STK38L: variants seen among roughly 807,000 people sequenced by gnomAD.
STK38L encodes serine/threonine-protein kinase 38-like.
Under a neutral mutation model 59.7 loss-of-function variants are expected in STK38L, and 28 were observed. The observed-to-expected ratio is 0.47, with a 90% CI of 0.35 to 0.64. The LOEUF (loss-of-function observed/expected upper bound fraction) is 0.64. STK38L is among the 30% of genes least tolerant of loss of function. STK38L has a pLI of 0.01. For synonymous variants in STK38L, 162 were observed against 176.8 expected (o/e 0.92, Z 0.66); for missense variants, 314 against 555.8 (o/e 0.56, Z 4.37).
intron 3 of STK38L, among the ~76,000 whole-genome samples, chr12:27,304,694 C>T (rs1265193008): frequency 6.6e-6 from 1 of 151,926 alleles, no homozygotes; most frequent in African/African-American, 2.4e-5. Flanking sequence ...ATATATTATA[C>T]ATCATTATAT....
intron 1 of STK38L, among the ~76,000 whole-genome samples, chr12:27,274,583 T>G (rs563803153): frequency 3.3e-5 from 5 of 152,242 alleles, no homozygotes; most frequent in African/African-American, 1.2e-4. Flanking sequence ...TTCATGTGTT[T>G]AATAATATAT....
chr12:27,320,820 C>T lies in STK38L; in HGVS notation c.1176-1323C>T, dbSNP rs547302222. On this transcript the variant is annotated intron_variant, in intron 12 of 13. Transcript: ENST00000389032. ...TTTTTGAGATGGAGTCTCACTCTGTCGCCCAGGCTGGAGTGCAGTGGCGTG... is the reference window on the plus strand; with the variant it reads ...TTTTTGAGATGGAGTCTCACTCTGTTGCCCAGGCTGGAGTGCAGTGGCGTG... Among the ~76,000 whole-genome samples, 24 of 142,990 alleles carry T rather than the reference C, an allele frequency of 1.7e-4. 1 individual carries two copies. Among genetic ancestry groups the T allele is most frequent in the African/African-American group, 5.2e-4 (20 of 38,572 alleles). The allele number at this position is 142,990 out of a possible 152,430, so 93.8% of individuals were successfully genotyped here. A position where few individuals can be genotyped will look rare whatever the true frequency, so the allele number is the denominator to read the frequency against.
rs1944626544 is a variant in STK38L at position 27,317,930 on chromosome 12, A to C, written c.990A>C (p.Glu330Asp). The C allele has an allele frequency of 6.2e-7, 1 of 1,613,878 alleles. No homozygotes were observed. The highest frequency in any genetic ancestry group is 1.3e-5 in the African/African-American group (1 of 74,908). Residue 330 changes from glutamate to aspartate, a missense_variant, in exon 11 of 14, where the codon GAA becomes GAC. This residue lies in a region of STK38L where 28 missense variants were observed against 96.7 expected (regional missense o/e 0.29). Coordinates refer to ENST00000389032, the MANE Select transcript of STK38L (RefSeq NM_015000.4). ...CTTTCTGCTCTGAAACACCTCAAGAAACGTACAGAAAAGTGATGAACTGGA... is the reference window on the plus strand; with the variant it reads ...CTTTCTGCTCTGAAACACCTCAAGACACGTACAGAAAAGTGATGAACTGGA... ...YPPFCSETPQ[E>D]TYRKVMNWKE...
chr12:27,272,963 A>G (rs889586130), intron 1 of STK38L, among the ~76,000 whole-genome samples: 2 of 152,180 alleles, frequency 1.3e-5, no homozygotes, highest in African/African-American at 4.8e-5. Context: ...AAAAACAAAA[A>G]TGGACTCAGA....
chr12:27,293,408 T>G (rs2136635533), intron 1 of STK38L, among the ~76,000 whole-genome samples: 1 of 152,376 alleles, frequency 6.6e-6, no homozygotes, highest in East Asian at 1.9e-4. Flanking sequence ...AACATTTAAA[T>G]TGAATAACAG....
chr12:27,298,735 CA>C (rs1307967214), intron 2 of STK38L, among the ~76,000 whole-genome samples: 1 of 152,092 alleles, frequency 6.6e-6, no homozygotes, highest in Non-Finnish European at 1.5e-5. Context: ...AGGAAGGAGA[CA>C]GAGGCAAAAG....
rs977314071 is a variant in STK38L, at chr12:27,306,966, T to C, written c.187-1373T>C. On this transcript the variant is annotated intron_variant, in intron 3 of 13. Transcript: ENST00000389032. Reference sequence around the variant, plus strand: ...GGATGGTCTCGATCTCCTGACTTCATGATCCATCCACCTCGGCCTCCCAAA... The same window carrying C: ...GGATGGTCTCGATCTCCTGACTTCACGATCCATCCACCTCGGCCTCCCAAA... 5.3e-5 allele frequency among the ~76,000 whole-genome samples: 8 copies of C among 152,260 alleles called. No homozygotes were observed. In the East Asian group the frequency reaches 1.5e-3, roughly 29 times the overall value.
chr12:27,294,954 C>T (rs1300941099), intron 1 of STK38L, among the ~76,000 whole-genome samples: 2 of 151,942 alleles, frequency 1.3e-5, no homozygotes, highest in African/African-American at 4.8e-5. Context: ...ATGATCTTGG[C>T]CTCACAAAGT....
At chr12:27,317,538 A>C in intron 10 of STK38L, 85 bp downstream of exon 10, 1 of 1,100,228 alleles carries the variant, frequency 9.1e-7, no homozygotes. Flanking sequence ...ATCATTGACT[A>C]AAATATTTGA....
chr12:27,317,046 T>G (rs1944602958), intron 9 of STK38L, among the ~76,000 whole-genome samples: 1 of 152,144 alleles, frequency 6.6e-6, no homozygotes, highest in Non-Finnish European at 1.5e-5. Context: ...TATATTCTTA[T>G]AAAATGCCTG....
chr12:27,267,026 A>G (rs1847887518), intron 1 of STK38L, among the ~76,000 whole-genome samples: 1 of 152,194 alleles, frequency 6.6e-6, no homozygotes, highest in African/African-American at 2.4e-5. Flanking sequence ...TTTAAATTTT[A>G]GTTTGACTCA....
chr12:27,309,074 A>T lies in STK38L; in HGVS notation c.310-40A>T, dbSNP rs746983277. 14 of 1,426,824 alleles carry T rather than the reference A, an allele frequency of 9.8e-6. No homozygotes were observed. In the East Asian group the frequency reaches 3.4e-4, roughly 35 times the overall value. 88.4% of individuals were successfully genotyped at this position (1,426,824 alleles called of 1,614,324 possible). Reference sequence around the variant, plus strand: ...AGTTACTTTTCTTTCCTGAACAAATAGTAGTGACTGTTTTATAATATATGT... The same window carrying T: ...AGTTACTTTTCTTTCCTGAACAAATTGTAGTGACTGTTTTATAATATATGT... On this transcript the variant is annotated intron_variant, in intron 4 of 13. Transcript: ENST00000389032.
At chr12:27,289,154 A>G (rs1325460814) in intron 1 of STK38L, among the ~76,000 whole-genome samples, 1 of 152,232 alleles carries the variant, frequency 6.6e-6, no homozygotes, top group Admixed American at 6.5e-5. Flanking sequence ...ATAGGCATAT[A>G]GCAATAGAAC....
At chr12:27,258,297 G>A (rs1943131548) in intron 1 of STK38L, among the ~76,000 whole-genome samples, 1 of 152,110 alleles carries the variant, frequency 6.6e-6, no homozygotes, top group Non-Finnish European at 1.5e-5. Flanking sequence ...CTCCTGCTTT[G>A]GCTTCCCAAG....
At chr12:27,252,770 A>G (rs764621247) in intron 1 of STK38L, among the ~76,000 whole-genome samples, 3 of 152,200 alleles carry the variant, frequency 2.0e-5, no homozygotes, top group Non-Finnish European at 4.4e-5. Context: ...TGACCCATTG[A>G]TATTCTTGAT....
At chr12:27,270,783 G>C (rs1008924172) in intron 1 of STK38L, among the ~76,000 whole-genome samples, 1 of 152,088 alleles carries the variant, frequency 6.6e-6, no homozygotes, top group Non-Finnish European at 1.5e-5. Context: ...CAAATTACTG[G>C]GATTATAGGT....
At position 27,308,241 on chromosome 12, in the gene STK38L, T is replaced by C; in HGVS notation, c.187-98T>C. ...CTAATAGTATATTACATATTAGTGC[T>C]ATCATTTATTTTTACGTGTATCATC... On this transcript the variant is annotated intron_variant, in intron 3 of 13. Coordinates refer to ENST00000389032, the MANE Select transcript of STK38L (RefSeq NM_015000.4). This position sits in a 1 kb window ranked among gnomAD's most constrained non-coding sequence, Gnocchi z 4.5. 1 of 1,180,276 alleles carries C rather than the reference T, an allele frequency of 8.5e-7. No individual in the cohort carries two copies. The highest frequency in any genetic ancestry group is 1.1e-6 in the Non-Finnish European group (1 of 883,020). 73.1% of individuals were successfully genotyped at this position (1,180,276 alleles called of 1,614,324 possible).
chr12:27,305,307 T>C (rs1008816351), intron 3 of STK38L, among the ~76,000 whole-genome samples: 3 of 152,256 alleles, frequency 2.0e-5, no homozygotes, highest in Admixed American at 2.0e-4. Context: ...TGACTACATT[T>C]ACAGCTATTT....
chr12:27,298,019 C>T (rs1944069233), intron 2 of STK38L, 165 bp downstream of exon 2: 1 of 836,910 alleles, frequency 1.2e-6, no homozygotes, highest in Admixed American at 2.9e-5. Flanking sequence ...TTTATTTTCA[C>T]AGAGTAGTTT....
Sources: allele counts gnomAD v4.1 joint callset (sites outside exome capture counted in the v4.1 genomes callset), GRCh38; gene constraint gnomAD v4.1.1; regional missense constraint gnomAD v4.1.1; non-coding constraint Gnocchi (gnomAD v3.1); transcripts MANE v1.5; gene names NCBI Gene and HGNC (gene_info 2026-07-23, HGNC 2026-07-21).